Variants in SOX5 observed in about 807,000 individuals in gnomAD.
The protein encoded by SOX5 is transcription factor SOX-5.
Under a neutral mutation model 92.0 loss-of-function variants are expected in SOX5, and 9 were observed. The observed-to-expected ratio is 0.10, with a 90% CI of 0.06 to 0.17. The LOEUF (loss-of-function observed/expected upper bound fraction) is 0.17. Among genes scored for constraint, SOX5 ranks in the 10% least tolerant of loss-of-function variants. SOX5 has a pLI of 1.00. For missense variants in SOX5, 642 were observed against 944.5 expected (o/e 0.68, Z 4.20); for synonymous variants, 344 against 336.3 (o/e 1.02, Z -0.25).
chr12:24,034,419 G>A (rs1024030853), intron 4 of SOX5, among the ~76,000 whole-genome samples: 2 of 152,004 alleles, frequency 1.3e-5, no homozygotes, highest in African/African-American at 4.8e-5. Flanking sequence ...TCCTGAGTGA[G>A]TTACAATTAG....
intron 2 of SOX5, among the ~76,000 whole-genome samples, chr12:24,363,507 T>C (rs1955828541): frequency 6.6e-6 from 1 of 152,204 alleles, no homozygotes; most frequent in Non-Finnish European, 1.5e-5. Flanking sequence ...GGTTACATGA[T>C]ACAAAATATA....
At chr12:24,508,716 T>C (rs1283511759) in intron 1 of SOX5, among the ~76,000 whole-genome samples, 1 of 152,126 alleles carries the variant, frequency 6.6e-6, no homozygotes, top group Non-Finnish European at 1.5e-5. Flanking sequence ...GGGGCTATAA[T>C]AATCACTAAA....
At position 24,033,171 on chromosome 12, in the gene SOX5, T is replaced by C. The variant is rs185179992; in HGVS notation, c.-1-137147A>G. 2.9e-4 allele frequency among the ~76,000 whole-genome samples: 44 copies of C among 152,068 alleles called. No homozygotes were observed. In the Middle Eastern group the frequency reaches 0.014, roughly 47 times the overall value. Reference sequence around the variant, plus strand: ...CTCCAAAGCCAGTAACTTATCTTAATTTGTTGTTATACATCTTTTCCAAGT... The same window carrying C: ...CTCCAAAGCCAGTAACTTATCTTAACTTGTTGTTATACATCTTTTCCAAGT... On this transcript the variant is annotated intron_variant, in intron 4 of 4. Transcript: ENST00000446891.
chr12:23,964,964 T>C (rs1483168160), intron 4 of SOX5, among the ~76,000 whole-genome samples: 1 of 152,182 alleles, frequency 6.6e-6, no homozygotes, highest in African/African-American at 2.4e-5. Context: ...GGAGCAGACC[T>C]GGGCAATGGT....
chr12:23,915,577 C>G (rs1303981424), intron 1 of SOX5, among the ~76,000 whole-genome samples: 1 of 151,660 alleles, frequency 6.6e-6, no homozygotes, highest in Non-Finnish European at 1.5e-5. Flanking sequence ...TAAAACAAAT[C>G]ACTTGAATGA....
At chr12:24,282,331 C>T (rs1247415979) in intron 2 of SOX5, among the ~76,000 whole-genome samples, 1 of 151,658 alleles carries the variant, frequency 6.6e-6, no homozygotes, top group Non-Finnish European at 1.5e-5. Context: ...ACGTTGTGCA[C>T]ATGTACCCTA....
At chr12:23,760,841 C>T (rs1410007998) in intron 3 of SOX5, among the ~76,000 whole-genome samples, 1 of 152,114 alleles carries the variant, frequency 6.6e-6, no homozygotes, top group African/African-American at 2.4e-5. Flanking sequence ...AGTAGCTTTA[C>T]ACACAAGCTC....
chr12:24,441,522 G>T (rs1940582054), intron 1 of SOX5, among the ~76,000 whole-genome samples: 1 of 152,134 alleles, frequency 6.6e-6, no homozygotes, highest in African/African-American at 2.4e-5. Flanking sequence ...CTTGCTTTTA[G>T]CACCTTTTAC....
At chr12:24,411,656 T>C (rs951836970) in intron 1 of SOX5, among the ~76,000 whole-genome samples, 5 of 152,210 alleles carry the variant, frequency 3.3e-5, no homozygotes, top group Non-Finnish European at 7.4e-5. Flanking sequence ...TGAAATAAAC[T>C]AGCCTTTGGT....
intron 1 of SOX5, among the ~76,000 whole-genome samples, chr12:24,557,355 T>TCGCGCC (rs1953898057): frequency 7.2e-6 from 1 of 138,240 alleles, no homozygotes; most frequent in African/African-American, 2.7e-5. Context: ...TGGACCAACA[T>TCGCGCC]AGCGCCACTG....
At chr12:23,651,826 C>G (rs1281574072) in intron 7 of SOX5, among the ~76,000 whole-genome samples, 1 of 150,676 alleles carries the variant, frequency 6.6e-6, no homozygotes. Context: ...ACAACAGGAT[C>G]AAAGAAATGA....
In SOX5 at chr12:23,734,763, A is replaced by G. The variant is rs1447462519; in HGVS notation, c.742-11T>C. 6.2e-7 allele frequency: 1 copy of G among 1,610,274 alleles called. No homozygotes were observed. The highest frequency in any genetic ancestry group is 1.1e-5 in the South Asian group (1 of 90,590). ...CTGCTGTCTTGCAATCTGTGAAGAA[A>G]TTGCACATGAGAAATTTACAAGTAT... On this transcript the variant is annotated splice_polypyrimidine_tract_variant and intron_variant, in intron 5 of 14. Transcript: ENST00000451604.
At chr12:24,141,074 C>G (rs998569931) in intron 4 of SOX5, among the ~76,000 whole-genome samples, 4 of 152,036 alleles carry the variant, frequency 2.6e-5, no homozygotes, top group Non-Finnish European at 5.9e-5. Context: ...AAATATAAAA[C>G]CATTAGAACA....
Position 24,285,577 on chromosome 12 carries a change from GC to G in SOX5, c.-173-8266del, listed in dbSNP as rs1466311166. Among the ~76,000 whole-genome samples the G allele has an allele frequency of 4.6e-5, 7 of 152,158 alleles. No homozygotes were observed. In the East Asian group the frequency reaches 1.3e-3, roughly 29 times the overall value. ...TCAGTGCCTAACATCATGGAAATCT[GC>G]CTAGTCTATTTTAAGGAGGTAGCTC... On this transcript the variant is annotated intron_variant, in intron 2 of 4. Transcript: ENST00000446891.
intron 2 of SOX5, among the ~76,000 whole-genome samples, chr12:23,882,828 A>G (rs910700446): frequency 6.6e-6 from 1 of 152,136 alleles, no homozygotes; most frequent in African/African-American, 2.4e-5. Flanking sequence ...ACATTCATGA[A>G]TTCATCCATT....
chr12:23,865,415 C>T (rs1293165245), intron 2 of SOX5, among the ~76,000 whole-genome samples: 1 of 152,156 alleles, frequency 6.6e-6, no homozygotes. Context: ...GTGGCCCATG[C>T]CTGTAATCAC....
At chr12:24,420,929 C>A (rs1283095766) in intron 1 of SOX5, among the ~76,000 whole-genome samples, 2 of 152,098 alleles carry the variant, frequency 1.3e-5, no homozygotes, top group African/African-American at 2.4e-5. Flanking sequence ...GAGTATGCCA[C>A]CAACAAAATC....
At chr12:23,679,187 G>A (rs2086181412) in intron 6 of SOX5, among the ~76,000 whole-genome samples, 1 of 152,100 alleles carries the variant, frequency 6.6e-6, no homozygotes, top group African/African-American at 2.4e-5. Context: ...AAAGTAGTTT[G>A]GAAGAATGGG....
chr12:24,344,084 G>A lies in SOX5; in HGVS notation c.-174+24479C>T, dbSNP rs113068795. Among the ~76,000 whole-genome samples, 374 of 151,798 alleles carry A rather than the reference G, an allele frequency of 2.5e-3. 1 individual carries two copies. Among genetic ancestry groups the A allele is most frequent in the African/African-American group, 6.2e-3 (257 of 41,420 alleles). On this transcript the variant is annotated intron_variant, in intron 2 of 4. Transcript: ENST00000446891. ...CGAATCACAAGGTCAGGAGATTGAGGCCATCCTGACCAACATGGTGAAACC... is the reference window on the plus strand; with the variant it reads ...CGAATCACAAGGTCAGGAGATTGAGACCATCCTGACCAACATGGTGAAACC...
Sources: gnomAD v4.1 joint callset for allele counts (sites outside exome capture counted in the v4.1 genomes callset) on GRCh38, gnomAD v4.1.1 for gene constraint, MANE v1.5 for transcripts, NCBI Gene and HGNC (gene_info 2026-07-23, HGNC 2026-07-21) for gene names.